PDSS2: variants seen among roughly 807,000 people sequenced by gnomAD.
PDSS2 encodes all trans-polyprenyl-diphosphate synthase PDSS2.
PDSS2 carries 31 observed loss-of-function variants against 44.5 expected under a neutral mutation model. That is an observed-to-expected ratio of 0.70 (90% CI 0.52 to 0.94). PDSS2 has a LOEUF of 0.94. Among genes scored for constraint, PDSS2 ranks in the 40% least tolerant of loss-of-function variants. The probability of loss-of-function intolerance (pLI) is 0.00; values close to 1 mark genes in which losing one functional copy is unlikely to be tolerated. For missense variants in PDSS2, 452 were observed against 482.2 expected (o/e 0.94, Z 0.59); for synonymous variants, 157 against 180.3 (o/e 0.87, Z 1.03).
At chr6:107,223,011 C>G (rs146396582) in intron 4 of PDSS2, among the ~76,000 whole-genome samples, 2,578 of 150,602 alleles carry the variant, frequency 0.017, 71 homozygotes, top group African/African-American at 0.06. Context: ...TGCAATGGTG[C>G]AATCTCGGCT....
At chr6:107,220,446 A>G (rs1056205293) in intron 4 of PDSS2, among the ~76,000 whole-genome samples, 1 of 152,126 alleles carries the variant, frequency 6.6e-6, no homozygotes, top group Non-Finnish European at 1.5e-5. Context: ...ATGAAGATTA[A>G]TAAACAGCCT....
At chr6:107,457,169 A>G (rs1406211573) in intron 1 of PDSS2, among the ~76,000 whole-genome samples, 1 of 152,186 alleles carries the variant, frequency 6.6e-6, no homozygotes, top group Non-Finnish European at 1.5e-5. Context: ...GCCTCGAAAA[A>G]TTAAAGCAAG....
intron 1 of PDSS2, among the ~76,000 whole-genome samples, chr6:107,336,673 T>G (rs1439449612): frequency 6.6e-6 from 1 of 152,058 alleles, no homozygotes; most frequent in African/African-American, 2.4e-5. Context: ...TTTAAATTTT[T>G]TTTTGCTTTG....
intron 1 of PDSS2, among the ~76,000 whole-genome samples, chr6:107,343,306 T>A (rs1441050324): frequency 1.3e-5 from 2 of 152,190 alleles, no homozygotes; most frequent in African/African-American, 2.4e-5. Context: ...AACAAAAGAA[T>A]TGACTATAAT....
At chr6:107,277,525 A>G (rs927490406) in intron 2 of PDSS2, among the ~76,000 whole-genome samples, 4 of 152,208 alleles carry the variant, frequency 2.6e-5, no homozygotes, top group African/African-American at 9.6e-5. Context: ...TCCAAAGGTG[A>G]TACATAGAAA....
chr6:107,299,061 C>T (rs1219761094), intron 2 of PDSS2, among the ~76,000 whole-genome samples: 1 of 147,874 alleles, frequency 6.8e-6, no homozygotes, highest in African/African-American at 2.5e-5. Flanking sequence ...GTGGGAGGAT[C>T]GCCTGAGCCT....
chr6:107,195,342 T>C (rs1306722807), intron 6 of PDSS2, among the ~76,000 whole-genome samples: 5 of 151,610 alleles, frequency 3.3e-5, no homozygotes, highest in African/African-American at 1.2e-4. Context: ...ATTAGCTGGG[T>C]GTGGTGGTAT....
At chr6:107,374,760 G>A (rs1029112087) in intron 1 of PDSS2, among the ~76,000 whole-genome samples, 1 of 152,144 alleles carries the variant, frequency 6.6e-6, no homozygotes, top group African/African-American at 2.4e-5. Context: ...ATTTTAAACA[G>A]TCATGTTATA....
intron 3 of PDSS2, among the ~76,000 whole-genome samples, chr6:107,267,630 GC>G (rs1467728160): frequency 2.0e-5 from 3 of 150,392 alleles, no homozygotes; most frequent in African/African-American, 4.9e-5. Flanking sequence ...TATTGCCCAG[GC>G]TAGAGAAACA....
chr6:107,296,625 G>T (rs1415146925), intron 2 of PDSS2, among the ~76,000 whole-genome samples: 1 of 152,174 alleles, frequency 6.6e-6, no homozygotes, highest in Non-Finnish European at 1.5e-5. Context: ...TACTCAGGAG[G>T]CTGAGGCAGG....
At chr6:107,409,045 A>G (rs1387971235) in intron 1 of PDSS2, among the ~76,000 whole-genome samples, 1 of 152,232 alleles carries the variant, frequency 6.6e-6, no homozygotes, top group African/African-American at 2.4e-5. Context: ...TTAACATATA[A>G]AAAGTTAAAA....
intron 6 of PDSS2, among the ~76,000 whole-genome samples, chr6:107,198,431 C>T (rs1483257081): frequency 6.6e-6 from 1 of 152,142 alleles, no homozygotes; most frequent in East Asian, 1.9e-4. Flanking sequence ...TTCATTTTGT[C>T]ACAATAAATG....
At chr6:107,240,792 CAG>C (rs1774397847) in intron 4 of PDSS2, among the ~76,000 whole-genome samples, 1 of 151,078 alleles carries the variant, frequency 6.6e-6, no homozygotes, top group South Asian at 2.1e-4. Context: ...ATTTAAAAAG[CAG>C]AGAGGGGAGA....
At chr6:107,380,521 G>A (rs1779424456) in intron 1 of PDSS2, among the ~76,000 whole-genome samples, 1 of 152,178 alleles carries the variant, frequency 6.6e-6, no homozygotes, top group African/African-American at 2.4e-5. Context: ...TGCATGAGGG[G>A]ATTTTTCCCA....
At chr6:107,384,548 G>C (rs1779551802) in intron 1 of PDSS2, among the ~76,000 whole-genome samples, 1 of 151,934 alleles carries the variant, frequency 6.6e-6, no homozygotes, top group South Asian at 2.1e-4. Context: ...GGCTGAGGCA[G>C]GAGAATTGCT....
chr6:107,359,036 GT>G (rs1383270187), intron 1 of PDSS2, among the ~76,000 whole-genome samples: 2 of 103,420 alleles, frequency 1.9e-5, no homozygotes, highest in Non-Finnish European at 3.6e-5. Flanking sequence ...TTTGAGATGA[GT>G]TTTGCTCCTG....
chr6:107,331,854 C>T (rs934804160), intron 2 of PDSS2, among the ~76,000 whole-genome samples: 1 of 151,930 alleles, frequency 6.6e-6, no homozygotes, highest in Admixed American at 6.6e-5. Flanking sequence ...ATAGTAGGTG[C>T]TCATTATCTG....
intron 1 of PDSS2, among the ~76,000 whole-genome samples, chr6:107,413,089 T>C (rs1027979530): frequency 1.3e-5 from 2 of 152,244 alleles, no homozygotes; most frequent in African/African-American, 2.4e-5. Context: ...CAAGTCTTCA[T>C]TTGTCTTTCA....
chr6:107,154,618 G>A lies in PDSS2; in HGVS notation c.*1C>T, dbSNP rs145540533. 181 of 1,613,816 alleles carry A rather than the reference G, an allele frequency of 1.1e-4. No homozygotes were observed. The highest frequency in any genetic ancestry group is 4.9e-4 in the Middle Eastern group (3 of 6,082). ...AACAATAGTGTCTTTTTAATTTGAT[G>A]TCATGAAAATCTGGTCACAGCAAAC... On this transcript the variant is annotated 3_prime_UTR_variant, in exon 8 of 8. Transcript: ENST00000369037.
Sources: allele counts gnomAD v4.1 joint callset (sites outside exome capture counted in the v4.1 genomes callset), GRCh38; gene constraint gnomAD v4.1.1; transcripts MANE v1.5; gene names NCBI Gene and HGNC (gene_info 2026-07-23, HGNC 2026-07-21).